The following COX10 variants were observed in gnomAD, a reference collection of about 807,000 sequenced individuals.
COX10 encodes the protein cytochrome c oxidase assembly factor heme A:farnesyltransferase COX10.
In COX10, 27 loss-of-function variants were observed where a neutral mutation model predicts 37.3. The ratio of observed to expected loss-of-function variants is 0.72; its 90% CI spans 0.53 to 1.00. COX10 has a LOEUF of 1.00. Ranked by LOEUF, COX10 falls within the 50% of genes least tolerant of loss-of-function variation. COX10 has a pLI of 0.00. For missense variants in COX10, 475 were observed against 563.2 expected, an observed-to-expected ratio of 0.84 and a Z score of 1.59; for synonymous variants, 222 against 229.1, an observed-to-expected ratio of 0.97 and a Z score of 0.28.
intron 4 of COX10, among the ~76,000 whole-genome samples, chr17:14,159,134 GGTTGCTGTTAAT>G (rs1354063758): frequency 6.6e-6 from 1 of 152,114 alleles, no homozygotes; most frequent in Admixed American, 6.6e-5. Flanking sequence ...GAGTGAGAGA[GGTTGCTGTTAAT>G]GATGCTGGCA....
At chr17:14,160,788 G>A (rs1905157759) in intron 5 of COX10, among the ~76,000 whole-genome samples, 1 of 152,084 alleles carries the variant, frequency 6.6e-6, no homozygotes. Flanking sequence ...TAGTAAAAAG[G>A]GCAATAGAAC....
chr17:14,102,156 G>T lies in COX10; in HGVS notation c.538G>T (p.Ala180Ser). The stretch of plus-strand genomic sequence containing the variant: ...TACCACTGCAGCTGGATTTGCATTG[G>T]CTCCGGGCCCTTTTGACTGGCCCTG... The part of the protein sequence containing the change: ...VSTTAAGFAL[A>S]PGPFDWPCFL... The change falls in exon 4 of 7, where the codon GCT becomes TCT. Residue 180 changes from alanine to serine, a missense_variant. By Grantham distance (99) the Ala-to-Ser change is moderately conservative (BLOSUM62 1). Around this residue, in one of 5 missense-constraint regions of COX10, gnomAD observed 242 missense variants for 242.5 expected, o/e 1.00. Coordinates refer to ENST00000261643, the MANE Select transcript of COX10 (RefSeq NM_001303.4). 1.2e-6 allele frequency: 2 copies of T among 1,613,694 alleles called. No homozygotes were observed. Among genetic ancestry groups the T allele is most frequent in the Admixed American group, 3.3e-5 (2 of 59,974 alleles).
chr17:14,155,646 C>T (rs1405942781), intron 4 of COX10, among the ~76,000 whole-genome samples: 1 of 150,734 alleles, frequency 6.6e-6, no homozygotes, highest in Admixed American at 6.6e-5. Context: ...ACCCAGGAGG[C>T]GGAGCTTGCA....
intron 4 of COX10, among the ~76,000 whole-genome samples, chr17:14,146,750 G>T (rs2142229903): frequency 6.6e-6 from 1 of 152,200 alleles, no homozygotes; most frequent in Middle Eastern, 3.4e-3. Flanking sequence ...TCTGACAAGG[G>T]ATTAATAACC....
At chr17:14,199,809 G>C (rs762954304) in intron 6 of COX10, among the ~76,000 whole-genome samples, 26 of 152,178 alleles carry the variant, frequency 1.7e-4, no homozygotes, top group Non-Finnish European at 3.4e-4. Context: ...TGTTTCACAA[G>C]CTCCTTTGTG....
At chr17:14,192,447 T>C in intron 6 of COX10, among the ~76,000 whole-genome samples, 1 of 151,998 alleles carries the variant, frequency 6.6e-6, no homozygotes, top group East Asian at 1.9e-4. Flanking sequence ...AGGGAATGTC[T>C]GGGAGAAAAA....
chr17:14,126,934 CTGATT>C (rs1268875488), intron 4 of COX10, among the ~76,000 whole-genome samples: 2 of 142,422 alleles, frequency 1.4e-5, no homozygotes, highest in Non-Finnish European at 3.0e-5. Context: ...GATTTGGTCT[CTGATT>C]TGTTTTTAAC....
chr17:14,165,657 C>CTTT (rs1905265145), intron 5 of COX10, among the ~76,000 whole-genome samples: 1 of 152,180 alleles, frequency 6.6e-6, no homozygotes, highest in African/African-American at 2.4e-5. Context: ...TTGTCTCTCA[C>CTTT]TTTAAGTCAA....
At chr17:14,174,453 T>A (rs1217945892) in intron 5 of COX10, among the ~76,000 whole-genome samples, 2 of 123,798 alleles carry the variant, frequency 1.6e-5, no homozygotes, top group Admixed American at 8.6e-5. Context: ...AGCAAGACCC[T>A]GTCAAAAAAA....
chr17:14,126,591 G>T (rs1052880507), intron 4 of COX10, among the ~76,000 whole-genome samples: 10 of 152,090 alleles, frequency 6.6e-5, no homozygotes, highest in African/African-American at 2.4e-4. Flanking sequence ...TAATTGAACT[G>T]TGTGTGTTTT....
chr17:14,205,044 C>G (rs1031806571), intron 6 of COX10, among the ~76,000 whole-genome samples: 7 of 152,160 alleles, frequency 4.6e-5, no homozygotes, highest in Non-Finnish European at 1.0e-4. Flanking sequence ...GAGATCGAGG[C>G]TGCAGTGAGC....
rs539846283 is a variant in COX10 at position 14,109,602 on chromosome 17, G to A, written c.624+7360G>A. ...AGCTTAATGGTACTATTGATCACAC[G>A]TGTTTGAAAGTGGTCAAATTGGGAG... On this transcript the variant is annotated intron_variant, in intron 4 of 6. Coordinates refer to ENST00000261643, the MANE Select transcript of COX10 (RefSeq NM_001303.4). Among the ~76,000 whole-genome samples the A allele has an allele frequency of 1.1e-4, 16 of 152,268 alleles. No homozygotes were observed. The South Asian group carries it at 1.9e-3, about 18-fold the overall frequency.
chr17:14,118,284 T>C (rs1476900350), intron 4 of COX10, among the ~76,000 whole-genome samples: 2 of 152,072 alleles, frequency 1.3e-5, no homozygotes, highest in African/African-American at 4.8e-5. Context: ...CCTGCCCTTC[T>C]CTACTCAGCA....
intron 3 of COX10, among the ~76,000 whole-genome samples, chr17:14,099,414 A>G (rs1330732425): frequency 1.3e-5 from 2 of 152,074 alleles, no homozygotes; most frequent in African/African-American, 4.8e-5. Context: ...GTACAACTAT[A>G]AAGGATTATT....
chr17:14,207,549 A>C lies in COX10; in HGVS notation c.*336A>C. On this transcript the variant is annotated 3_prime_UTR_variant, in exon 7 of 7. Coordinates refer to ENST00000261643, the MANE Select transcript of COX10 (RefSeq NM_001303.4). ...AGCTTCCTCTTTTGGTTCCATCCTTACCACCACACCACACGCACACTCCAC... is the reference window on the plus strand; with the variant it reads ...AGCTTCCTCTTTTGGTTCCATCCTTCCCACCACACCACACGCACACTCCAC... 1 of 244,044 alleles carries C rather than the reference A, an allele frequency of 4.1e-6. No homozygotes were observed. Among genetic ancestry groups the C allele is most frequent in the Non-Finnish European group, 8.0e-6 (1 of 124,816 alleles). The allele number at this position is 244,044 out of a possible 1,614,324, so 15.1% of individuals were successfully genotyped here.
intron 1 of COX10, among the ~76,000 whole-genome samples, chr17:14,071,916 AT>A (rs1415840191): frequency 6.6e-6 from 1 of 151,926 alleles, no homozygotes; most frequent in Non-Finnish European, 1.5e-5. Flanking sequence ...TAAAAAAAAA[AT>A]TAAAAATGTC....
At chr17:14,117,641 T>A (rs1404196930) in intron 4 of COX10, among the ~76,000 whole-genome samples, 2 of 152,156 alleles carry the variant, frequency 1.3e-5, no homozygotes, top group South Asian at 2.1e-4. Flanking sequence ...GGTGTAGAGA[T>A]CATGGGGAGC....
Position 14,146,853 on chromosome 17 carries a change from C to G in COX10, c.625-13024C>G, listed in dbSNP as rs552857455. ...GCAAAAGATTTGAATAGACATTTCT[C>G]AAAAGAAGACATACAAATGGCAGAC... On this transcript the variant is annotated intron_variant, in intron 4 of 6. Transcript: ENST00000261643. Among the ~76,000 whole-genome samples the G allele has an allele frequency of 4.6e-5, 7 of 152,192 alleles. No homozygotes were observed. The East Asian group carries it at 1.4e-3, about 29-fold the overall frequency.
At chr17:14,154,116 G>C (rs1215186038) in intron 4 of COX10, among the ~76,000 whole-genome samples, 2 of 152,212 alleles carry the variant, frequency 1.3e-5, no homozygotes, top group Non-Finnish European at 2.9e-5. Flanking sequence ...AGGACAAGAA[G>C]CTTGTGAGTT....
Sources: gnomAD v4.1 joint callset for allele counts (sites outside exome capture counted in the v4.1 genomes callset) on GRCh38, gnomAD v4.1.1 for gene constraint, gnomAD v4.1.1 regional missense constraint, MANE v1.5 for transcripts, NCBI Gene and HGNC (gene_info 2026-07-23, HGNC 2026-07-21) for gene names.